Variants in CNTN5 observed in about 807,000 individuals in gnomAD.
CNTN5 encodes the protein contactin-5.
CNTN5 carries 77 observed loss-of-function variants against 129.1 expected under a neutral mutation model. The observed-to-expected ratio is 0.60, with a 90% CI of 0.50 to 0.72. The LOEUF is 0.72. Among genes scored for constraint, CNTN5 ranks in the 30% least tolerant of loss-of-function variants. CNTN5 has a pLI of 0.00. For synonymous variants in CNTN5, 509 were observed against 465.6 expected, an observed-to-expected ratio of 1.09 and a Z score of -1.20; for missense variants, 1,478 against 1,328.8, an observed-to-expected ratio of 1.11 and a Z score of -1.75.
intron 16 of CNTN5, among the ~76,000 whole-genome samples, chr11:100,228,006 T>A (rs1949414535): frequency 6.6e-6 from 1 of 152,218 alleles, no homozygotes; most frequent in African/African-American, 2.4e-5. Context: ...TAGAAATTAA[T>A]GTTAGAAGTA....
At chr11:99,626,362 A>G (rs1269404912) in intron 3 of CNTN5, among the ~76,000 whole-genome samples, 5 of 152,140 alleles carry the variant, frequency 3.3e-5, no homozygotes, top group Non-Finnish European at 7.4e-5. Flanking sequence ...TCACGGAATA[A>G]TAGAAGGACA....
At chr11:99,072,467 ATG>A (rs1301079470) in intron 1 of CNTN5, among the ~76,000 whole-genome samples, 1 of 152,096 alleles carries the variant, frequency 6.6e-6, no homozygotes, top group Non-Finnish European at 1.5e-5. Context: ...GGCTTATAAT[ATG>A]ATTAATTTGA....
rs538804655 is a variant in CNTN5 at position 99,622,829 on chromosome 11, A to C, written c.55+66560A>C. ...TGGTATTCTGTTTCACCTTTTTATT[A>C]GAAAACTGAAAAAAAAAGTGCCAAG... On this transcript the variant is annotated intron_variant, in intron 3 of 24. Coordinates refer to ENST00000524871, the MANE Select transcript of CNTN5 (RefSeq NM_014361.4). Among the ~76,000 whole-genome samples, 14 of 121,512 alleles carry C rather than the reference A, an allele frequency of 1.2e-4. No individual in the cohort carries two copies. The South Asian group carries it at 3.2e-3, about 28-fold the overall frequency. 79.7% of individuals were successfully genotyped at this position (121,512 alleles called of 152,430 possible). A position where few individuals can be genotyped will look rare whatever the true frequency, so the allele number is the denominator to read the frequency against.
At chr11:99,106,912 A>G (rs981030123) in intron 1 of CNTN5, among the ~76,000 whole-genome samples, 1 of 152,132 alleles carries the variant, frequency 6.6e-6, no homozygotes, top group Non-Finnish European at 1.5e-5. Context: ...ACAATATCAT[A>G]TACATCTTTT....
intron 1 of CNTN5, among the ~76,000 whole-genome samples, chr11:99,149,758 A>G (rs1859957076): frequency 6.6e-6 from 1 of 152,054 alleles, no homozygotes; most frequent in Non-Finnish European, 1.5e-5. Context: ...ACTGGTCATA[A>G]AGTCTCAATT....
At chr11:100,268,997 A>G (rs1460868037) in intron 17 of CNTN5, among the ~76,000 whole-genome samples, 4 of 152,352 alleles carry the variant, frequency 2.6e-5, no homozygotes, top group South Asian at 2.1e-4. Flanking sequence ...TTAACAGCAT[A>G]GAGAGTATCT....
At chr11:99,399,894 T>C (rs187498960) in intron 2 of CNTN5, among the ~76,000 whole-genome samples, 18 of 152,146 alleles carry the variant, frequency 1.2e-4, no homozygotes, top group Admixed American at 8.5e-4. Context: ...GGTGGATACA[T>C]TTATGGAGTA....
rs189778943 is a variant in CNTN5, at chr11:99,665,590, A to G, written c.55+109321A>G. Among the ~76,000 whole-genome samples, 15 of 144,986 alleles carry G rather than the reference A, an allele frequency of 1.0e-4. 1 individual carries two copies. The highest frequency in any genetic ancestry group is 1.8e-4 in the Non-Finnish European group (12 of 66,438). On this transcript the variant is annotated intron_variant, in intron 3 of 24. Coordinates refer to ENST00000524871, the MANE Select transcript of CNTN5 (RefSeq NM_014361.4). ...AACCTCCACCTCCTGGGTTCAAGCA[A>G]TTCTCCCTGTCTCAGCCTCCCAAGT...
intron 2 of CNTN5, among the ~76,000 whole-genome samples, chr11:99,529,294 G>A (rs1251127765): frequency 6.6e-6 from 1 of 152,064 alleles, no homozygotes; most frequent in Non-Finnish European, 1.5e-5. Context: ...AATGCTTTAC[G>A]AAGTTTCTAT....
chr11:99,258,517 A>T (rs1361115929), intron 1 of CNTN5, among the ~76,000 whole-genome samples: 1 of 152,118 alleles, frequency 6.6e-6, no homozygotes, highest in Admixed American at 6.6e-5. Context: ...TTTTTGATTT[A>T]CACGTGTCTT....
At chr11:99,259,670 G>A (rs1293916900) in intron 1 of CNTN5, among the ~76,000 whole-genome samples, 1 of 151,808 alleles carries the variant, frequency 6.6e-6, no homozygotes, top group Non-Finnish European at 1.5e-5. Context: ...GTGTGTGTGT[G>A]TTAGTGTGTG....
Position 100,210,829 on chromosome 11 carries a change from G to C in CNTN5, c.1885-13863G>C, listed in dbSNP as rs543682013. Among the ~76,000 whole-genome samples the C allele has an allele frequency of 2.0e-5, 3 of 152,232 alleles. No individual in the cohort carries two copies. The South Asian group carries it at 6.2e-4, about 32-fold the overall frequency. On this transcript the variant is annotated intron_variant, in intron 15 of 24. Transcript: ENST00000524871. ...TAATCTCAATACATAAAATCAAAAA[G>C]ACTTTGGAAATCAACTTAACTATAT...
intron 2 of CNTN5, among the ~76,000 whole-genome samples, chr11:99,497,611 G>T (rs556261996): frequency 6.6e-6 from 1 of 152,106 alleles, no homozygotes; most frequent in African/African-American, 2.4e-5. Flanking sequence ...TATTCAAAAA[G>T]AGTTGAATGA....
chr11:99,769,136 T>A (rs1944858294), intron 3 of CNTN5, among the ~76,000 whole-genome samples: 1 of 152,170 alleles, frequency 6.6e-6, no homozygotes, highest in Non-Finnish European at 1.5e-5. Context: ...TTTTGATACT[T>A]AAATTATATA....
intron 1 of CNTN5, among the ~76,000 whole-genome samples, chr11:99,054,139 T>C (rs1175064739): frequency 6.6e-6 from 1 of 151,984 alleles, no homozygotes; most frequent in African/African-American, 2.4e-5. Context: ...GAACTAGGAC[T>C]GGGACAAACC....
chr11:100,033,616 T>A (rs894308962), intron 9 of CNTN5, among the ~76,000 whole-genome samples: 2 of 152,340 alleles, frequency 1.3e-5, no homozygotes, highest in African/African-American at 4.8e-5. Context: ...CAATGCTCTT[T>A]TATTACATTC....
At chr11:100,329,235 C>G (rs189389387) in intron 21 of CNTN5, among the ~76,000 whole-genome samples, 1 of 152,276 alleles carries the variant, frequency 6.6e-6, no homozygotes, top group East Asian at 1.9e-4. Flanking sequence ...CTCCACTGGA[C>G]TGGGAACCAC....
chr11:99,379,297 AT>A lies in CNTN5; in HGVS notation c.-71+53821del, dbSNP rs538201886. Reference sequence around the variant, plus strand: ...TATACGAATAACTATGATGAAGTTGATTTTTTTTATATTATCTCTAACTTAA... The same window carrying A: ...TATACGAATAACTATGATGAAGTTGATTTTTTTATATTATCTCTAACTTAA... On this transcript the variant is annotated intron_variant, in intron 2 of 24. Coordinates refer to ENST00000524871, the MANE Select transcript of CNTN5 (RefSeq NM_014361.4). 2.7e-4 allele frequency among the ~76,000 whole-genome samples: 41 copies of A among 150,812 alleles called. No homozygotes were observed. In the East Asian group the frequency reaches 6.0e-3, roughly 22 times the overall value.
At chr11:100,211,707 C>T (rs190754375) in intron 15 of CNTN5, among the ~76,000 whole-genome samples, 1 of 152,260 alleles carries the variant, frequency 6.6e-6, no homozygotes, top group East Asian at 1.9e-4. Context: ...CTTTGTACTT[C>T]TCCATCATAA....
Sources: gnomAD v4.1 joint callset for allele counts (sites outside exome capture counted in the v4.1 genomes callset) on GRCh38, gnomAD v4.1.1 for gene constraint, MANE v1.5 for transcripts, NCBI Gene and HGNC (gene_info 2026-07-23, HGNC 2026-07-21) for gene names.